The following KCNJ16 variants were observed in gnomAD, a reference collection of about 807,000 sequenced individuals.
The protein encoded by KCNJ16 is inward rectifier potassium channel 16.
Under a neutral mutation model 18.5 loss-of-function variants are expected in KCNJ16, and 15 were observed. The observed-to-expected ratio is 0.81, with a 90% CI of 0.54 to 1.25. KCNJ16 has a LOEUF of 1.25. KCNJ16 is among the 50% of genes most tolerant of loss of function. The pLI is 0.00. For synonymous variants in KCNJ16, 174 were observed against 186.5 expected (o/e 0.93, Z 0.55); for missense variants, 523 against 525.7 (o/e 0.99, Z 0.05).
intron 1 of KCNJ16, among the ~76,000 whole-genome samples, chr17:70,091,115 G>A (rs895024026): frequency 6.6e-6 from 1 of 152,068 alleles, no homozygotes; most frequent in African/African-American, 2.4e-5. Context: ...CTTTCAAAGT[G>A]ATAGCCCAAT....
At chr17:70,078,135 G>A (rs2071395854) in intron 1 of KCNJ16, among the ~76,000 whole-genome samples, 1 of 152,072 alleles carries the variant, frequency 6.6e-6, no homozygotes, top group South Asian at 2.1e-4. Context: ...CCTTGTTCCA[G>A]AAAGTTCTAC....
intron 1 of KCNJ16, among the ~76,000 whole-genome samples, chr17:70,084,241 C>A (rs1184333004): frequency 6.6e-6 from 1 of 152,198 alleles, no homozygotes; most frequent in East Asian, 1.9e-4. Flanking sequence ...GAATGGAATT[C>A]TGAGACACGT....
rs76738673 is a variant in KCNJ16, at chr17:70,120,502, G to A, written c.-190-10377G>A. Among the ~76,000 whole-genome samples, 307 of 152,262 alleles carry A rather than the reference G, an allele frequency of 2.0e-3. 1 individual carries two copies. Among genetic ancestry groups the A allele is most frequent in the African/African-American group, 6.8e-3 (284 of 41,546 alleles). On this transcript the variant is annotated intron_variant, in intron 2 of 3. Transcript: ENST00000392671. The stretch of plus-strand genomic sequence containing the variant: ...AAGAAAAGAAGTTTAATTGGCTCAC[G>A]GTTATGCAGACTGGACAGTAAGCAT...
At chr17:70,120,833 AT>A (rs2073606562) in intron 2 of KCNJ16, among the ~76,000 whole-genome samples, 1 of 152,200 alleles carries the variant, frequency 6.6e-6, no homozygotes, top group East Asian at 1.9e-4. Context: ...AGGGATAGAT[AT>A]CCAAACTGTA....
Position 70,133,317 on chromosome 17 carries a change from C to T in KCNJ16, c.1230C>T (p.Asn410=), listed in dbSNP as rs550235581. 1 of 1,613,552 alleles carries T rather than the reference C, an allele frequency of 6.2e-7. No individual in the cohort carries two copies. The highest frequency in any genetic ancestry group is 1.1e-5 in the South Asian group (1 of 91,050). ...TPYQKALLTL[N]RISVESQM ...ATCAGAAAGCTCTCCTGACTTTAAA[C>T]AGAATCTCTGTAGAATCCCAAATGT... Residue 410 remains asparagine (N), a synonymous_variant, in exon 4 of 4, where the codon AAC becomes AAT. Coordinates refer to ENST00000392671, the MANE Select transcript of KCNJ16 (RefSeq NM_170741.4).
At chr17:70,098,025 T>C (rs940662332) in intron 1 of KCNJ16, among the ~76,000 whole-genome samples, 1 of 152,210 alleles carries the variant, frequency 6.6e-6, no homozygotes, top group Non-Finnish European at 1.5e-5. Context: ...TCTTTAATGC[T>C]TTCCTAGAAT....
At position 70,134,019 on chromosome 17, in the gene KCNJ16, G is replaced by A. The variant is rs933342316; in HGVS notation, c.*675G>A. 1.8e-5 allele frequency: 3 copies of A among 167,142 alleles called. No individual in the cohort carries two copies. Among genetic ancestry groups the A allele is most frequent in the African/African-American group, 7.2e-5 (3 of 41,458 alleles). 10.4% of individuals were successfully genotyped at this position (167,142 alleles called of 1,614,324 possible). A position where few individuals can be genotyped will look rare whatever the true frequency, so the allele number is the denominator to read the frequency against. ...CGATGAGGCAGAAGAAAAGTTAACA[G>A]TATTTAAAGCAGCATTTCTCTCTTA... On this transcript the variant is annotated 3_prime_UTR_variant, in exon 4 of 4. Transcript: ENST00000392671.
intron 2 of KCNJ16, among the ~76,000 whole-genome samples, chr17:70,116,836 T>C (rs1380129120): frequency 2.0e-5 from 3 of 151,878 alleles, no homozygotes; most frequent in Admixed American, 6.6e-5. Context: ...GAAAAGGGAG[T>C]GCTTATACAG....
intron 2 of KCNJ16, among the ~76,000 whole-genome samples, chr17:70,112,504 GA>G (rs534178541): frequency 0.047 from 6,735 of 143,578 alleles, 463 homozygotes; most frequent in African/African-American, 0.16. Context: ...CTCTATGAAT[GA>G]AAAAAAAAAA....
At chr17:70,118,285 G>T (rs775454158) in intron 2 of KCNJ16, among the ~76,000 whole-genome samples, 20 of 152,144 alleles carry the variant, frequency 1.3e-4, no homozygotes, top group Middle Eastern at 6.8e-3. Flanking sequence ...GGAAGGGATA[G>T]CATTAGGAGA....
chr17:70,132,682 C>T lies in KCNJ16; in HGVS notation c.595C>T (p.Leu199Phe). ...AGGTATGAGAGATGGGAAGCTTTGC[C>T]TCATGTGGCGCATTGGTGATTTTCG... ...LIGMRDGKLC[L>F]MWRIGDFRPN... Residue 199 changes from leucine (L) to phenylalanine (F), a missense_variant, in exon 4 of 4, where the codon CTC becomes TTC. Physicochemically the swap from Leu to Phe is conservative, Grantham distance 22. Transcript: ENST00000392671. 6.2e-6 allele frequency: 10 copies of T among 1,614,138 alleles called. No individual in the cohort carries two copies. The highest frequency in any genetic ancestry group is 7.6e-6 in the Non-Finnish European group (9 of 1,180,014).
intron 1 of KCNJ16, among the ~76,000 whole-genome samples, chr17:70,090,437 C>T (rs1379268396): frequency 6.6e-6 from 1 of 152,158 alleles, no homozygotes; most frequent in Non-Finnish European, 1.5e-5. Flanking sequence ...TTCCCAGGTA[C>T]TTTTCTTTTC....
chr17:70,092,559 TGA>T (rs1567782588), intron 1 of KCNJ16, among the ~76,000 whole-genome samples: 1 of 122,014 alleles, frequency 8.2e-6, no homozygotes, highest in East Asian at 2.5e-4. Flanking sequence ...TATAGATAGA[TGA>T]TAGATATAGA....
At chr17:70,128,766 T>C (rs1206537015) in intron 2 of KCNJ16, 1 of 152,206 alleles carries the variant, frequency 6.6e-6, no homozygotes, top group Admixed American at 6.5e-5. Context: ...GCCTGCTGTA[T>C]CGGTTCGAAC....
At chr17:70,116,414 G>A (rs909275142) in intron 2 of KCNJ16, among the ~76,000 whole-genome samples, 2 of 152,018 alleles carry the variant, frequency 1.3e-5, no homozygotes, top group African/African-American at 2.4e-5. Flanking sequence ...GTATTCATCC[G>A]TAATAATTTC....
At chr17:70,087,771 C>T (rs921522865) in intron 1 of KCNJ16, among the ~76,000 whole-genome samples, 1 of 151,288 alleles carries the variant, frequency 6.6e-6, no homozygotes, top group African/African-American at 2.4e-5. Flanking sequence ...CAAAGTGCTA[C>T]CACAAATGTT....
chr17:70,108,485 T>C (rs2073033937), intron 2 of KCNJ16: 1 of 152,114 alleles, frequency 6.6e-6, no homozygotes, highest in Non-Finnish European at 1.5e-5. Flanking sequence ...AAATCAGTCA[T>C]TTTGCATGTT....
rs2074073834 is a variant in KCNJ16, at chr17:70,132,083, A to G, written c.-5A>G. On this transcript the variant is annotated 5_prime_UTR_variant, in exon 4 of 4. Coordinates refer to ENST00000392671, the MANE Select transcript of KCNJ16 (RefSeq NM_170741.4). ...TCACCTGGATCCCTAAGGGCACAGC[A>G]AAGAATGAGCTATTACGGCAGCAGC... 6.2e-7 allele frequency: 1 copy of G among 1,614,166 alleles called. No homozygotes were observed. The highest frequency in any genetic ancestry group is 8.5e-7 in the Non-Finnish European group (1 of 1,180,024).
intron 1 of KCNJ16, among the ~76,000 whole-genome samples, chr17:70,086,107 TTTAC>T (rs1298397614): frequency 6.6e-6 from 1 of 152,160 alleles, no homozygotes; most frequent in East Asian, 1.9e-4. Context: ...TTAAAAAGTC[TTTAC>T]TTAATTAATT....
Sources: gnomAD v4.1 joint callset for allele counts (sites outside exome capture counted in the v4.1 genomes callset) on GRCh38, gnomAD v4.1.1 for gene constraint, MANE v1.5 for transcripts, NCBI Gene and HGNC (gene_info 2026-07-23, HGNC 2026-07-21) for gene names.